ASH1L: variants seen among roughly 807,000 people sequenced by gnomAD.
ASH1L encodes ASH1 like histone lysine methyltransferase, also known as histone-lysine N-methyltransferase ASH1L.
A neutral mutation model predicts 269.0 loss-of-function variants in ASH1L; 23 were observed. The ratio of observed to expected loss-of-function variants is 0.09; its 90% CI spans 0.06 to 0.12. The LOEUF (loss-of-function observed/expected upper bound fraction) is 0.12. Among genes scored for constraint, ASH1L ranks in the 10% least tolerant of loss-of-function variants. The pLI, the probability that ASH1L is intolerant of heterozygous loss-of-function variation, is 1.00. For missense variants in ASH1L, 2,912 were observed against 3,567.8 expected (o/e 0.82, Z 4.68); for synonymous variants, 1,187 against 1,253.5 (o/e 0.95, Z 1.12).
At chr1:155,559,079 G>A (rs1671790885) in intron 1 of ASH1L, among the ~76,000 whole-genome samples, 1 of 151,940 alleles carries the variant, frequency 6.6e-6, no homozygotes, top group Non-Finnish European at 1.5e-5. Flanking sequence ...CCTGACCTCT[G>A]GTGAGCCACC....
At chr1:155,451,313 G>C (rs1663447782) in intron 4 of ASH1L, among the ~76,000 whole-genome samples, 2 of 152,158 alleles carry the variant, frequency 1.3e-5, no homozygotes, top group Non-Finnish European at 2.9e-5. Flanking sequence ...CCACTTTAGT[G>C]GGTGATTGCC....
chr1:155,442,605 C>G (rs946889271), intron 4 of ASH1L, among the ~76,000 whole-genome samples: 27 of 132,130 alleles, frequency 2.0e-4, no homozygotes. Context: ...AAAAAAAAAT[C>G]AAAAAAAAAA....
At chr1:155,413,217 C>G (rs1224632266) in intron 6 of ASH1L, among the ~76,000 whole-genome samples, 1 of 151,822 alleles carries the variant, frequency 6.6e-6, no homozygotes, top group Non-Finnish European at 1.5e-5. Context: ...GAGTAATGAC[C>G]ATTATTTCCG....
intron 17 of ASH1L, among the ~76,000 whole-genome samples, chr1:155,349,882 T>C (rs1357519022): frequency 6.9e-6 from 1 of 143,922 alleles, no homozygotes; most frequent in Non-Finnish European, 1.5e-5. Flanking sequence ...CACGCCAAGC[T>C]ACTTTTTTTT....
chr1:155,478,708 G>T lies in ASH1L; in HGVS notation c.4162C>A (p.Pro1388Thr), dbSNP rs1665745723. ...ATGGGAGCAGCTGTAAGGGGTGAAG[G>T]AGAGTAAGGCATACCATAAGATGGA... ...FYPSYGMPYS[P>T]SPLTAAPIGL... Residue 1388 changes from proline (P) to threonine (T), a missense_variant, in exon 3 of 28, where the codon CCT (proline) becomes ACT (threonine). By Grantham distance (38) the Pro-to-Thr change is conservative. Around this residue, in one of 13 missense-constraint regions of ASH1L, gnomAD observed 789 missense variants for 897.6 expected, o/e 0.88. Transcript: ENST00000392403. The surrounding 1 kb of genome is among the most constrained non-coding windows in gnomAD (Gnocchi z 4.6). 3.1e-6 allele frequency: 5 copies of T among 1,613,992 alleles called. No individual in the cohort carries two copies. Among genetic ancestry groups the T allele is most frequent in the Non-Finnish European group, 4.2e-6 (5 of 1,180,014 alleles).
intron 12 of ASH1L, among the ~76,000 whole-genome samples, chr1:155,365,552 C>T (rs1261911265): frequency 6.6e-6 from 1 of 151,968 alleles, no homozygotes; most frequent in Non-Finnish European, 1.5e-5. Flanking sequence ...TTGAGTAAAA[C>T]TCCTGTGAAC....
intron 6 of ASH1L, among the ~76,000 whole-genome samples, chr1:155,395,815 A>G (rs1361593336): frequency 2.6e-5 from 4 of 152,140 alleles, no homozygotes; most frequent in Non-Finnish European, 1.5e-5. Context: ...CCTGGGTAAC[A>G]AGTGAGACCC....
chr1:155,553,447 C>A (rs1671351003), intron 1 of ASH1L, among the ~76,000 whole-genome samples: 1 of 152,120 alleles, frequency 6.6e-6, no homozygotes, highest in Admixed American at 6.5e-5. Flanking sequence ...AAAGGCCAAC[C>A]TTATATAGCA....
chr1:155,345,828 CT>C lies in ASH1L; in HGVS notation c.7890+554del, dbSNP rs547656258. The C allele has an allele frequency of 7.8e-3, 1,131 of 144,090 alleles. 28 individuals are homozygous for C. Among genetic ancestry groups the C allele is most frequent in the South Asian group, 0.026 (167 of 6,532 alleles). The allele number at this position is 144,090 out of a possible 1,614,324, so 8.9% of individuals were successfully genotyped here. Reference sequence around the variant, plus strand: ...GACCTCATGATCCACTGCACCCGGCCTTTTTTTTTTTTTTTTTCTAAGAGAT... The same window carrying C: ...GACCTCATGATCCACTGCACCCGGCCTTTTTTTTTTTTTTTTCTAAGAGAT... On this transcript the variant is annotated intron_variant, in intron 21 of 27. Transcript: ENST00000392403.
At position 155,521,430 on chromosome 1, in the gene ASH1L, T is replaced by C. The variant is rs1668881530; in HGVS notation, c.90A>G (p.Thr30=). ...GCTCTACTTCTCTCTTACTGACCAA[T>C]GTGCCAGTACTGATGGCAGAAGGAC... ...RKSPSAISTG[T]LVSKREVELE... is the part of the protein sequence containing the mutation. The change falls in exon 2 of 28, where the codon ACA becomes ACG. Residue 30 remains threonine, a synonymous_variant. Transcript: ENST00000392403. 1.2e-6 allele frequency: 2 copies of C among 1,614,152 alleles called. No homozygotes were observed. The highest frequency in any genetic ancestry group is 2.7e-5 in the African/African-American group (2 of 75,038).
At chr1:155,401,594 C>T (rs901598179) in intron 6 of ASH1L, among the ~76,000 whole-genome samples, 3 of 151,860 alleles carry the variant, frequency 2.0e-5, no homozygotes, top group Non-Finnish European at 4.4e-5. Flanking sequence ...GGAGACCAAC[C>T]TGGCGAACAT....
chr1:155,533,765 T>C (rs1669853909), intron 1 of ASH1L, among the ~76,000 whole-genome samples: 1 of 152,040 alleles, frequency 6.6e-6, no homozygotes. Flanking sequence ...GATCTTATTA[T>C]TTCTCTCTGC....
At position 155,354,961 on chromosome 1, in the gene ASH1L, G is replaced by A. The variant is rs563807371; in HGVS notation, c.7056-331C>T. On this transcript the variant is annotated intron_variant, in intron 15 of 27. Transcript: ENST00000392403. The stretch of plus-strand genomic sequence containing the variant: ...AGGGTCTCAGGATCAGCTATAACAA[G>A]GAGAACTGGACTGGCAAATGAAGGC... 6.6e-5 allele frequency among the ~76,000 whole-genome samples: 10 copies of A among 152,304 alleles called. No homozygotes were observed. The East Asian group carries it at 1.9e-3, about 29-fold the overall frequency.
intron 6 of ASH1L, among the ~76,000 whole-genome samples, chr1:155,411,586 A>ATATATATATATATATATATATATATAT (rs1558075618): frequency 3.3e-4 from 18 of 55,130 alleles, no homozygotes; most frequent in Non-Finnish European, 4.5e-4. Flanking sequence ...TAAATAAATA[A>ATATATATATATATATATATATATATAT]ATATATATAT....
chr1:155,390,911 A>G (rs1197336819), intron 7 of ASH1L, among the ~76,000 whole-genome samples: 1 of 148,050 alleles, frequency 6.8e-6, no homozygotes. Context: ...GGCTTCCCAA[A>G]GTGCTGGGAT....
intron 12 of ASH1L, among the ~76,000 whole-genome samples, chr1:155,361,576 A>G (rs1166140496): frequency 6.9e-6 from 1 of 144,332 alleles, no homozygotes; most frequent in African/African-American, 2.6e-5. Flanking sequence ...GCATGTGCCT[A>G]TACTCCCAGC....
chr1:155,355,408 T>C (rs1654292482), intron 15 of ASH1L, among the ~76,000 whole-genome samples: 1 of 152,232 alleles, frequency 6.6e-6, no homozygotes, highest in Non-Finnish European at 1.5e-5. Flanking sequence ...TCCTATACAA[T>C]TTTGATGATT....
intron 15 of ASH1L, among the ~76,000 whole-genome samples, chr1:155,356,508 G>T (rs1198671963): frequency 6.6e-6 from 1 of 151,788 alleles, no homozygotes; most frequent in East Asian, 2.0e-4. Context: ...GGTGGCACGT[G>T]CCTGTAGTCC....
intron 4 of ASH1L, among the ~76,000 whole-genome samples, chr1:155,452,940 A>C (rs1228004145): frequency 1.3e-5 from 2 of 152,184 alleles, no homozygotes; most frequent in East Asian, 1.9e-4. Flanking sequence ...CTCATGCCAC[A>C]TGTAAACCTT....
Sources: gnomAD v4.1 joint callset for allele counts (sites outside exome capture counted in the v4.1 genomes callset) on GRCh38, gnomAD v4.1.1 for gene constraint, gnomAD v4.1.1 regional missense constraint, Gnocchi (gnomAD v3.1) non-coding constraint, MANE v1.5 for transcripts, NCBI Gene and HGNC (gene_info 2026-07-23, HGNC 2026-07-21) for gene names.